DGKB: variants seen among roughly 807,000 people sequenced by gnomAD.
The protein encoded by DGKB is 90 kDa diacylglycerol kinase.
DGKB carries 67 observed loss-of-function variants against 114.3 expected under a neutral mutation model. The observed-to-expected ratio is 0.59, with a 90% CI of 0.48 to 0.72. DGKB has a LOEUF of 0.72. Ranked by LOEUF, DGKB falls within the 30% of genes least tolerant of loss-of-function variation. DGKB has a pLI of 0.00. For missense variants in DGKB, 907 were observed against 975.2 expected, an observed-to-expected ratio of 0.93 and a Z score of 0.93; for synonymous variants, 398 against 323.1, an observed-to-expected ratio of 1.23 and a Z score of -2.49.
At chr7:14,833,250 A>T (rs1014465335) in intron 2 of DGKB, among the ~76,000 whole-genome samples, 1 of 152,134 alleles carries the variant, frequency 6.6e-6, no homozygotes, top group Non-Finnish European at 1.5e-5. Flanking sequence ...TTCATCAAAG[A>T]TACAATTTAT....
At chr7:14,679,801 G>A (rs1585595985) in intron 12 of DGKB, among the ~76,000 whole-genome samples, 1 of 152,104 alleles carries the variant, frequency 6.6e-6, no homozygotes, top group South Asian at 2.1e-4. Flanking sequence ...AAATTTTCAT[G>A]CAATGGTTCA....
intron 13 of DGKB, among the ~76,000 whole-genome samples, chr7:14,662,945 A>C (rs2128928049): frequency 6.6e-6 from 1 of 152,092 alleles, no homozygotes; most frequent in East Asian, 1.9e-4. Context: ...TTACAGCATA[A>C]CACTTATAAT....
intron 2 of DGKB, among the ~76,000 whole-genome samples, chr7:14,805,171 A>G (rs1326674449): frequency 1.3e-5 from 2 of 152,102 alleles, no homozygotes; most frequent in Non-Finnish European, 2.9e-5. Flanking sequence ...ATGTTAGTGA[A>G]TTGCTATTTC....
intron 21 of DGKB, among the ~76,000 whole-genome samples, chr7:14,400,816 T>C (rs10230262): frequency 0.041 from 6,299 of 151,836 alleles, 440 homozygotes; most frequent in African/African-American, 0.14. Context: ...AAGTATCTTA[T>C]TGAAAAACAG....
rs1806794659 is a variant in DGKB at position 14,317,423 on chromosome 7, C to A, written c.2122+21092G>T. On this transcript the variant is annotated intron_variant, in intron 23 of 25. Coordinates refer to ENST00000402815, the MANE Select transcript of DGKB (RefSeq NM_001350709.2). ...CCCAAAATCTCCTTAAGCTGATAAG[C>A]AACTTCAGCAAAGTCTCAGGATACA... Among the ~76,000 whole-genome samples the A allele has an allele frequency of 2.7e-5, 4 of 148,094 alleles. No individual in the cohort carries two copies. In the South Asian group the frequency reaches 6.5e-4, roughly 24 times the overall value.
At chr7:14,965,340 CTAAT>C (rs1286223048) in intron 1 of DGKB, among the ~76,000 whole-genome samples, 17 of 152,010 alleles carry the variant, frequency 1.1e-4, no homozygotes, top group Admixed American at 2.6e-4. Flanking sequence ...TAGTATGGAA[CTAAT>C]ATGCAAGTAC....
At chr7:14,734,020 CGT>C (rs71004332) in intron 5 of DGKB, among the ~76,000 whole-genome samples, 12,911 of 147,924 alleles carry the variant, frequency 0.087, 904 homozygotes, top group African/African-American at 0.19. Context: ...TATACCAACA[CGT>C]GTGTGTGTGT....
At chr7:14,953,236 C>T (rs1326021331) in intron 1 of DGKB, among the ~76,000 whole-genome samples, 3 of 151,894 alleles carry the variant, frequency 2.0e-5, no homozygotes, top group Non-Finnish European at 2.9e-5. Flanking sequence ...AAGTTCTGTG[C>T]TTCAAAGAAC....
intron 21 of DGKB, among the ~76,000 whole-genome samples, chr7:14,467,736 T>G (rs914259204): frequency 6.6e-6 from 1 of 152,202 alleles, no homozygotes; most frequent in Non-Finnish European, 1.5e-5. Context: ...CAGAAAATAA[T>G]GTTGAACATT....
intron 5 of DGKB, among the ~76,000 whole-genome samples, chr7:14,722,387 C>T (rs1829320558): frequency 6.6e-6 from 1 of 152,150 alleles, no homozygotes; most frequent in Non-Finnish European, 1.5e-5. Context: ...TATTAATATG[C>T]ATTTACATTT....
chr7:14,190,534 A>G (rs1784138352), intron 23 of DGKB, among the ~76,000 whole-genome samples: 1 of 150,934 alleles, frequency 6.6e-6, no homozygotes, highest in Non-Finnish European at 1.5e-5. Flanking sequence ...AAGGAAGGAA[A>G]TAATAAAACT....
At chr7:14,396,016 A>G (rs1822159530) in intron 21 of DGKB, among the ~76,000 whole-genome samples, 1 of 152,078 alleles carries the variant, frequency 6.6e-6, no homozygotes, top group African/African-American at 2.4e-5. Context: ...TCATCAATAT[A>G]TGAATTGTTT....
intron 23 of DGKB, among the ~76,000 whole-genome samples, chr7:14,199,766 T>A (rs949388513): frequency 6.6e-6 from 1 of 152,100 alleles, no homozygotes; most frequent in African/African-American, 2.4e-5. Flanking sequence ...TACTATGTTA[T>A]TGCTTTAAGA....
chr7:14,510,327 C>T (rs553918905), intron 20 of DGKB, among the ~76,000 whole-genome samples: 7 of 152,254 alleles, frequency 4.6e-5, no homozygotes, highest in South Asian at 2.1e-4. Context: ...ACTAAGTTTT[C>T]GTAATAGTCT....
At chr7:14,269,801 T>C (rs1349255650) in intron 23 of DGKB, among the ~76,000 whole-genome samples, 2 of 152,170 alleles carry the variant, frequency 1.3e-5, no homozygotes, top group East Asian at 1.9e-4. Flanking sequence ...CTGAGGAATA[T>C]TGTAATATGA....
intron 13 of DGKB, among the ~76,000 whole-genome samples, chr7:14,657,414 C>T (rs1816075936): frequency 6.6e-6 from 1 of 151,706 alleles, no homozygotes; most frequent in South Asian, 2.1e-4. Context: ...ATGAATTGAT[C>T]TATAATGAAT....
At chr7:14,912,674 T>C (rs1346714912) in intron 1 of DGKB, among the ~76,000 whole-genome samples, 2 of 152,192 alleles carry the variant, frequency 1.3e-5, no homozygotes, top group Non-Finnish European at 2.9e-5. Flanking sequence ...TAGGACTAAG[T>C]GGACGCCAGT....
At chr7:14,351,013 T>C (rs1418664303) in intron 21 of DGKB, among the ~76,000 whole-genome samples, 1 of 152,156 alleles carries the variant, frequency 6.6e-6, no homozygotes, top group Non-Finnish European at 1.5e-5. Context: ...TTTTTAACTA[T>C]GTTATTCAGT....
At chr7:14,923,164 G>A (rs1425623467) in intron 1 of DGKB, among the ~76,000 whole-genome samples, 2 of 152,208 alleles carry the variant, frequency 1.3e-5, no homozygotes, top group East Asian at 3.9e-4. Context: ...GTCAAATTGT[G>A]ATTTTTTAGA....
Sources: allele counts gnomAD v4.1 joint callset (sites outside exome capture counted in the v4.1 genomes callset), GRCh38; gene constraint gnomAD v4.1.1; transcripts MANE v1.5; gene names NCBI Gene and HGNC (gene_info 2026-07-23, HGNC 2026-07-21).